The following NT5C3B variants were observed in gnomAD, a reference collection of about 807,000 sequenced individuals.
NT5C3B encodes 7-methylguanosine phosphate-specific 5'-nucleotidase.
NT5C3B carries 28 observed loss-of-function variants against 32.5 expected under a neutral mutation model. The ratio of observed to expected loss-of-function variants is 0.86; its 90% CI spans 0.64 to 1.18. NT5C3B has a LOEUF of 1.18. Among genes scored for constraint, NT5C3B ranks in the 50% most tolerant of loss-of-function variants. NT5C3B has a pLI of 0.00. For missense variants in NT5C3B, 317 were observed against 322.0 expected (o/e 0.98, Z 0.12); for synonymous variants, 138 against 118.0 (o/e 1.17, Z -1.10).
chr17:41,830,352 AC>A (rs2048030530), intron 6 of NT5C3B, among the ~76,000 whole-genome samples: 1 of 152,238 alleles, frequency 6.6e-6, no homozygotes, highest in Non-Finnish European at 1.5e-5. Context: ...TACTAAAAAT[AC>A]AAAAATTAGC....
chr17:41,825,268 GGA>G lies in NT5C3B; in HGVS notation c.*253_*254del, dbSNP rs1361913217. ...TTTAAAAATTTTGAAGAAAATCCCTGGAGTAGACAATCCCTAGAGCACTGACA... is the reference window on the plus strand; with the variant it reads ...TTTAAAAATTTTGAAGAAAATCCCTGGTAGACAATCCCTAGAGCACTGACA... On this transcript the variant is annotated 3_prime_UTR_variant, in exon 9 of 9. Transcript: ENST00000435506. 2 of 433,364 alleles carry G rather than the reference GGA, an allele frequency of 4.6e-6. No individual in the cohort carries two copies. Among genetic ancestry groups the G allele is most frequent in the Non-Finnish European group, 8.2e-6 (2 of 243,668 alleles). The allele number at this position is 433,364 out of a possible 1,614,324, so 26.8% of individuals were successfully genotyped here. A position where few individuals can be genotyped will look rare whatever the true frequency, so the allele number is the denominator to read the frequency against.
intron 7 of NT5C3B, 102 bp from the exon 8 acceptor site, chr17:41,827,728 A>G (rs2144089574): frequency 1.5e-6 from 1 of 684,474 alleles, no homozygotes; most frequent in Non-Finnish European, 2.7e-6. Context: ...CCCAAAAGTG[A>G]TAGATAATGC....
Position 41,827,276 on chromosome 17 carries a change from G to A in NT5C3B, c.768+150C>T, listed in dbSNP as rs1391941044. The A allele has an allele frequency of 1.4e-5, 5 of 361,390 alleles. No individual in the cohort carries two copies. The East Asian group carries it at 1.8e-4, about 13-fold the overall frequency. The allele number at this position is 361,390 out of a possible 1,614,324, so 22.4% of individuals were successfully genotyped here. A position where few individuals can be genotyped will look rare whatever the true frequency, so the allele number is the denominator to read the frequency against. ...ATCATGCCACTGCACTCCAGCCTGG[G>A]CGACAGAGTGAGACCCCGTCTCAAA... On this transcript the variant is annotated intron_variant, in intron 8 of 8. Transcript: ENST00000435506.
In NT5C3B at chr17:41,827,533, C is replaced by T. The variant is rs781949457; in HGVS notation, c.661G>A (p.Gly221Ser). The change falls in exon 8 of 9, where the codon GGC (glycine) becomes AGC (serine). Residue 221 changes from glycine to serine, a missense_variant. Coordinates refer to ENST00000435506, the MANE Select transcript of NT5C3B (RefSeq NM_052935.5). ...ENSGYFQQLE[G>S]KTNVILLGDS... The stretch of plus-strand genomic sequence containing the variant: ...CCCAGCAGGATGACATTGGTTTTGC[C>T]CTCAAGTTGCTGGAAGTAACCAGAG... The T allele has an allele frequency of 2.3e-6, 2 of 872,896 alleles. No homozygotes were observed. Among genetic ancestry groups the T allele is most frequent in the Non-Finnish European group, 4.0e-6 (2 of 501,638 alleles). 54.1% of individuals were successfully genotyped at this position (872,896 alleles called of 1,614,324 possible).
chr17:41,828,768 G>A (rs1226049005), intron 7 of NT5C3B, 22 bp downstream of exon 7: 2 of 1,604,666 alleles, frequency 1.2e-6, no homozygotes, highest in Admixed American at 3.3e-5. Context: ...TCCTTTCCCA[G>A]CCCAAACAGG....
In NT5C3B at chr17:41,832,381, C is replaced by A. The variant is rs1555619161; in HGVS notation, c.314+11G>T. On this transcript the variant is annotated intron_variant, in intron 5 of 8. Transcript: ENST00000435506. Reference sequence around the variant, plus strand: ...AGGGCCCAGAAGCTTTTCTCCACCACCATCACTCACCATTCCACCATATGA... The same window carrying A: ...AGGGCCCAGAAGCTTTTCTCCACCAACATCACTCACCATTCCACCATATGA... 1 of 1,612,352 alleles carries A rather than the reference C, an allele frequency of 6.2e-7. No homozygotes were observed. The highest frequency in any genetic ancestry group is 2.2e-5 in the East Asian group (1 of 44,828).
At chr17:41,830,640 G>A (rs1352534546) in intron 6 of NT5C3B, among the ~76,000 whole-genome samples, 161 bp downstream of exon 6, 1 of 152,146 alleles carries the variant, frequency 6.6e-6, no homozygotes, top group Non-Finnish European at 1.5e-5. Flanking sequence ...CCTAGCAAGG[G>A]TAAGAAATGC....
intron 6 of NT5C3B, among the ~76,000 whole-genome samples, chr17:41,830,365 G>A (rs569193560): frequency 1.6e-3 from 238 of 152,304 alleles, no homozygotes; most frequent in African/African-American, 5.2e-3. Context: ...AAAATTAGCC[G>A]GGTGTGGTGG....
chr17:41,833,514 T>C (rs8075291), intron 4 of NT5C3B, among the ~76,000 whole-genome samples: 115,811 of 151,910 alleles, frequency 0.76, 44,427 homozygotes, highest in Admixed American at 0.84. Flanking sequence ...GACAGGGTTT[T>C]GCCATGTTGT....
intron 6 of NT5C3B, among the ~76,000 whole-genome samples, chr17:41,829,859 G>A (rs563575608): frequency 6.6e-6 from 1 of 152,194 alleles, no homozygotes; most frequent in East Asian, 1.9e-4. Flanking sequence ...CTGTTGTGGT[G>A]GAAGGTAGGC....
chr17:41,826,000 C>T (rs2144083173), intron 8 of NT5C3B, among the ~76,000 whole-genome samples: 1 of 152,092 alleles, frequency 6.6e-6, no homozygotes, highest in East Asian at 1.9e-4. Context: ...CCCATCTCTA[C>T]AAAAATTGGC....
chr17:41,835,662 A>T, intron 2 of NT5C3B, 197 bp downstream of exon 2: 1 of 712,376 alleles, frequency 1.4e-6, no homozygotes, highest in Non-Finnish European at 2.5e-6. Flanking sequence ...TAGAGGAAGC[A>T]GCATGACCAT....
intron 1 of NT5C3B, 96 bp downstream of exon 1, chr17:41,836,086 A>G: frequency 7.4e-7 from 1 of 1,350,968 alleles, no homozygotes; most frequent in Middle Eastern, 2.5e-4. Flanking sequence ...GGCCTGGGTG[A>G]AGCGGCGGTG....
Position 41,825,479 on chromosome 17 carries a change from C to A in NT5C3B, c.*44G>T, listed in dbSNP as rs947080947. 3.5e-6 allele frequency: 3 copies of A among 850,936 alleles called. No individual in the cohort carries two copies. The African/African-American group carries it at 4.9e-5, about 14-fold the overall frequency. 52.7% of individuals were successfully genotyped at this position (850,936 alleles called of 1,614,324 possible). On this transcript the variant is annotated 3_prime_UTR_variant, in exon 9 of 9. Transcript: ENST00000435506. ...CGGGGGAGCAGACTCTGGGGAGGCG[C>A]CCCTCCTCACCACGGCCTGCAGGCC... is the stretch of plus-strand genomic sequence containing the variant.
chr17:41,829,946 C>T lies in NT5C3B; in HGVS notation c.404+855G>A, dbSNP rs1010877462. Among the ~76,000 whole-genome samples, 3 of 152,142 alleles carry T rather than the reference C, an allele frequency of 2.0e-5. No homozygotes were observed. The South Asian group carries it at 6.2e-4, about 31-fold the overall frequency. On this transcript the variant is annotated intron_variant, in intron 6 of 8. Coordinates refer to ENST00000435506, the MANE Select transcript of NT5C3B (RefSeq NM_052935.5). The stretch of plus-strand genomic sequence containing the variant: ...CACTAGGGTACAAACACTCCCACCC[C>T]GGCACTTACTGGGTCACACATCTCC...
chr17:41,834,753 C>T (rs1453089864), intron 4 of NT5C3B, among the ~76,000 whole-genome samples: 1 of 152,024 alleles, frequency 6.6e-6, no homozygotes, highest in African/African-American at 2.4e-5. Context: ...TGTCTCAAAA[C>T]AAACAAACAA....
intron 4 of NT5C3B, among the ~76,000 whole-genome samples, chr17:41,834,549 C>A (rs2048110583): frequency 6.6e-6 from 1 of 151,980 alleles, no homozygotes; most frequent in Admixed American, 6.6e-5. Flanking sequence ...GAGTTCAAGA[C>A]CAACCTAGGC....
chr17:41,829,022 GT>G (rs2144093058), intron 6 of NT5C3B, 70 bp from the exon 7 acceptor site: 5 of 1,381,424 alleles, frequency 3.6e-6, no homozygotes, highest in East Asian at 2.3e-5. Flanking sequence ...TATTTGGGTT[GT>G]TTTTTGGGTT....
Position 41,827,535 on chromosome 17 carries a change from T to C in NT5C3B, c.659A>G (p.Glu220Gly). ...CAGCAGGATGACATTGGTTTTGCCC[T>C]CAAGTTGCTGGAAGTAACCAGAGTT... ...CENSGYFQQL[E>G]GKTNVILLGD... is the part of the protein sequence containing the mutation. Residue 220 changes from glutamate (E) to glycine (G), a missense_variant, in exon 8 of 9, where the codon GAG (glutamate) becomes GGG (glycine). Coordinates refer to ENST00000435506, the MANE Select transcript of NT5C3B (RefSeq NM_052935.5). 1 of 872,918 alleles carries C rather than the reference T, an allele frequency of 1.1e-6. No homozygotes were observed. The highest frequency in any genetic ancestry group is 2.0e-6 in the Non-Finnish European group (1 of 501,622). 54.1% of individuals were successfully genotyped at this position (872,918 alleles called of 1,614,324 possible). A position where few individuals can be genotyped will look rare whatever the true frequency, so the allele number is the denominator to read the frequency against.
Sources: allele counts gnomAD v4.1 joint callset (sites outside exome capture counted in the v4.1 genomes callset), GRCh38; gene constraint gnomAD v4.1.1; transcripts MANE v1.5; gene names NCBI Gene and HGNC (gene_info 2026-07-23, HGNC 2026-07-21).